The following COL23A1 variants were observed in gnomAD, a reference collection of about 807,000 sequenced individuals.
COL23A1 encodes collagen alpha-1(XXIII) chain.
In COL23A1, 97 loss-of-function variants were observed where a neutral mutation model predicts 99.3. That is an observed-to-expected ratio of 0.98 (90% CI 0.83 to 1.16). The LOEUF (loss-of-function observed/expected upper bound fraction) is 1.16, where lower values mean the gene tolerates loss of function less well. Ranked by LOEUF, COL23A1 falls within the 50% of genes most tolerant of loss-of-function variation. The pLI is 0.00. For missense variants in COL23A1, 762 were observed against 757.4 expected, an observed-to-expected ratio of 1.01 and a Z score of -0.07; for synonymous variants, 320 against 308.2, an observed-to-expected ratio of 1.04 and a Z score of -0.40.
chr5:178,391,895 T>TA (rs55794309), intron 2 of COL23A1, among the ~76,000 whole-genome samples: 76,667 of 151,700 alleles, frequency 0.51, 21,526 homozygotes, highest in East Asian at 0.82. Context: ...TATTTGAGAC[T>TA]AAAAGGAATG....
chr5:178,399,870 C>A (rs1424805692), intron 2 of COL23A1, among the ~76,000 whole-genome samples: 1 of 152,184 alleles, frequency 6.6e-6, no homozygotes, highest in Admixed American at 6.5e-5. Flanking sequence ...AGAATAACGA[C>A]GGCCGCATGG....
chr5:178,548,555 T>C (rs1761836741), intron 2 of COL23A1, among the ~76,000 whole-genome samples: 1 of 10,376 alleles, frequency 9.6e-5, no homozygotes, highest in Non-Finnish European at 4.7e-4. Context: ...TGCCTATTCT[T>C]TTTTTTTTTT....
At chr5:178,540,703 C>T (rs1761238480) in intron 2 of COL23A1, among the ~76,000 whole-genome samples, 1 of 152,106 alleles carries the variant, frequency 6.6e-6, no homozygotes, top group Non-Finnish European at 1.5e-5. Context: ...GGGAGGATGG[C>T]TTGAGCCTAG....
At chr5:178,499,301 AAGG>A (rs1310819178) in intron 2 of COL23A1, among the ~76,000 whole-genome samples, 1 of 152,160 alleles carries the variant, frequency 6.6e-6, no homozygotes, top group Non-Finnish European at 1.5e-5. Context: ...GCTGCCTGAA[AAGG>A]AGGAGAAGGG....
intron 7 of COL23A1, among the ~76,000 whole-genome samples, chr5:178,268,124 AT>A (rs1389590898): frequency 3.3e-5 from 5 of 152,086 alleles, no homozygotes; most frequent in Non-Finnish European, 7.4e-5. Context: ...CTCACTTCCC[AT>A]TTCCAAATTC....
chr5:178,354,762 C>T (rs1761530845), intron 2 of COL23A1, among the ~76,000 whole-genome samples: 2 of 152,050 alleles, frequency 1.3e-5, no homozygotes, highest in African/African-American at 4.8e-5. Flanking sequence ...CCAATTAAAC[C>T]CTCTTTTCTT....
intron 2 of COL23A1, among the ~76,000 whole-genome samples, chr5:178,507,525 C>T (rs997775294): frequency 3.9e-5 from 6 of 152,160 alleles, no homozygotes; most frequent in Non-Finnish European, 7.3e-5. Context: ...CTCAAAAGGG[C>T]CTGGTGCATG....
intron 2 of COL23A1, chr5:178,523,420 T>A (rs1354378351): frequency 1.3e-5 from 1 of 79,258 alleles, no homozygotes; most frequent in Admixed American, 2.0e-4. Flanking sequence ...AGAACGAAAC[T>A]CTGTCTCAAA....
chr5:178,469,368 C>T (rs537489558), intron 2 of COL23A1, among the ~76,000 whole-genome samples: 4 of 152,306 alleles, frequency 2.6e-5, no homozygotes, highest in African/African-American at 7.2e-5. Flanking sequence ...GTCCATCCCT[C>T]CCTGGTCCCA....
chr5:178,246,556 C>G (rs1337081213), intron 22 of COL23A1, 103 bp from the exon 23 acceptor site: 4 of 1,177,208 alleles, frequency 3.4e-6, no homozygotes, highest in Non-Finnish European at 4.8e-6. Context: ...GACAGAGGAA[C>G]AGATCGAGGC....
intron 2 of COL23A1, among the ~76,000 whole-genome samples, chr5:178,406,576 C>T (rs1318984397): frequency 2.6e-5 from 4 of 151,876 alleles, no homozygotes; most frequent in African/African-American, 9.7e-5. Flanking sequence ...ATTACAGGCA[C>T]GCGCCACCAT....
At chr5:178,363,357 T>C (rs932924527) in intron 2 of COL23A1, among the ~76,000 whole-genome samples, 1 of 152,208 alleles carries the variant, frequency 6.6e-6, no homozygotes, top group Non-Finnish European at 1.5e-5. Flanking sequence ...ATAGCCTAAG[T>C]GTAGAACCTA....
intron 2 of COL23A1, among the ~76,000 whole-genome samples, chr5:178,377,639 A>T (rs1391199951): frequency 6.6e-6 from 1 of 152,010 alleles, no homozygotes; most frequent in Non-Finnish European, 1.5e-5. Context: ...CCTCCCCTGG[A>T]CCTTCGATCT....
chr5:178,338,382 G>A (rs1760464088), intron 2 of COL23A1, among the ~76,000 whole-genome samples: 1 of 152,210 alleles, frequency 6.6e-6, no homozygotes, highest in Admixed American at 6.5e-5. Flanking sequence ...GGGACAGCAG[G>A]TGCTAATCCC....
chr5:178,569,248 G>A (rs1183395652), intron 1 of COL23A1, among the ~76,000 whole-genome samples: 1 of 152,208 alleles, frequency 6.6e-6, no homozygotes, highest in Non-Finnish European at 1.5e-5. Flanking sequence ...TGGGTTGTGT[G>A]TAGTTTTGTT....
chr5:178,243,171 CAG>C (rs1272338267), intron 25 of COL23A1, among the ~76,000 whole-genome samples: 1 of 139,780 alleles, frequency 7.2e-6, no homozygotes, highest in Non-Finnish European at 1.5e-5. Context: ...GCCTGGGCGA[CAG>C]AGCGGGACTC....
chr5:178,284,266 C>T (rs777006276), intron 5 of COL23A1, among the ~76,000 whole-genome samples: 3 of 152,174 alleles, frequency 2.0e-5, no homozygotes, highest in Non-Finnish European at 4.4e-5. Flanking sequence ...ACCTTTACCA[C>T]GAGGTGACAG....
intron 1 of COL23A1, among the ~76,000 whole-genome samples, chr5:178,585,519 C>A (rs1350892019): frequency 6.7e-6 from 1 of 149,278 alleles, no homozygotes. Flanking sequence ...ACTCCACGTC[C>A]CTGGATGACG....
chr5:178,587,716 TA>T (rs1392278733), intron 1 of COL23A1, among the ~76,000 whole-genome samples: 2 of 152,230 alleles, frequency 1.3e-5, no homozygotes, highest in Non-Finnish European at 2.9e-5. Flanking sequence ...AAAAAGTATC[TA>T]TACATCTAAT....
Sources: gnomAD v4.1 joint callset for allele counts (sites outside exome capture counted in the v4.1 genomes callset) on GRCh38, gnomAD v4.1.1 for gene constraint, MANE v1.5 for transcripts, NCBI Gene and HGNC (gene_info 2026-07-23, HGNC 2026-07-21) for gene names.